The following OR9Q1 variants were observed in gnomAD, a reference collection of about 807,000 sequenced individuals.
OR9Q1 encodes olfactory receptor family 9 subfamily Q member 1, also known as olfactory receptor 9Q1.
For missense variants in OR9Q1, 374 were observed against 378.8 expected (o/e 0.99, Z 0.11); for synonymous variants, 153 against 148.6 (o/e 1.03, Z -0.22).
intron 2 of OR9Q1, among the ~76,000 whole-genome samples, chr11:58,140,330 C>G (rs937434896): frequency 1.1e-4 from 17 of 152,082 alleles, no homozygotes; most frequent in African/African-American, 2.2e-4. Context: ...GTTGCCATTG[C>G]TTTTGGTGTT....
chr11:58,176,706 C>T (rs975479948), intron 2 of OR9Q1, among the ~76,000 whole-genome samples: 10 of 152,114 alleles, frequency 6.6e-5, no homozygotes, highest in Non-Finnish European at 1.3e-4. Flanking sequence ...TTATTATTGT[C>T]CCCATATTGA....
At chr11:58,164,142 G>A (rs998376194) in intron 2 of OR9Q1, among the ~76,000 whole-genome samples, 4 of 152,096 alleles carry the variant, frequency 2.6e-5, no homozygotes, top group South Asian at 2.1e-4. Flanking sequence ...ACCTTGTCTC[G>A]GCTTGCAGGG....
At chr11:58,139,010 G>A (rs1854216554) in intron 2 of OR9Q1, among the ~76,000 whole-genome samples, 1 of 152,072 alleles carries the variant, frequency 6.6e-6, no homozygotes, top group South Asian at 2.1e-4. Context: ...TAAAGAAAGA[G>A]GGGAGACAGA....
At chr11:58,031,956 T>C (rs375260604) in intron 1 of OR9Q1, 2 of 1,088,010 alleles carry the variant, frequency 1.8e-6, no homozygotes, top group African/African-American at 1.6e-5. Context: ...TAAAAACAGG[T>C]TAGTCAATAA....
At chr11:58,114,963 C>T (rs1251854428) in intron 2 of OR9Q1, among the ~76,000 whole-genome samples, 1 of 152,156 alleles carries the variant, frequency 6.6e-6, no homozygotes, top group East Asian at 1.9e-4. Flanking sequence ...CCTGGCTGAA[C>T]TCCTCATAGG....
chr11:58,175,084 C>T (rs542829902), intron 2 of OR9Q1, among the ~76,000 whole-genome samples: 4 of 112,098 alleles, frequency 3.6e-5, no homozygotes, highest in Non-Finnish European at 6.6e-5. Flanking sequence ...CCAGCCTGGG[C>T]GACAGAGTGA....
intron 2 of OR9Q1, among the ~76,000 whole-genome samples, chr11:58,158,145 A>G (rs143383219): frequency 6.6e-6 from 1 of 152,168 alleles, no homozygotes; most frequent in African/African-American, 2.4e-5. Flanking sequence ...TCAGGGTCCA[A>G]CTCAGCTCTG....
intron 2 of OR9Q1, among the ~76,000 whole-genome samples, chr11:58,092,024 G>A (rs1853689099): frequency 6.9e-6 from 1 of 145,832 alleles, no homozygotes; most frequent in Non-Finnish European, 1.5e-5. Context: ...CCTTTATTTT[G>A]AGCCTATGTG....
At chr11:58,127,284 A>G (rs1854099400) in intron 2 of OR9Q1, among the ~76,000 whole-genome samples, 1 of 152,102 alleles carries the variant, frequency 6.6e-6, no homozygotes, top group Non-Finnish European at 1.5e-5. Flanking sequence ...TTTTGGGAAG[A>G]GATGCATCTT....
At chr11:58,157,785 T>C (rs373394142) in intron 2 of OR9Q1, among the ~76,000 whole-genome samples, 6 of 152,198 alleles carry the variant, frequency 3.9e-5, no homozygotes, top group Admixed American at 2.6e-4. Flanking sequence ...TGGAATGTTT[T>C]TAAAGGACTC....
At chr11:58,109,720 A>G (rs1050737021) in intron 2 of OR9Q1, 2 of 378,522 alleles carry the variant, frequency 5.3e-6, no homozygotes, top group East Asian at 1.5e-4. Flanking sequence ...CCAGAACTAA[A>G]GGTCTTTGCT....
chr11:58,146,722 G>T (rs1854302608), intron 2 of OR9Q1, among the ~76,000 whole-genome samples: 1 of 152,186 alleles, frequency 6.6e-6, no homozygotes, highest in African/African-American at 2.4e-5. Flanking sequence ...TAACGTTTAA[G>T]CAGAGGCTTC....
At chr11:58,053,061 A>T (rs1197974117) in intron 1 of OR9Q1, among the ~76,000 whole-genome samples, 3 of 151,724 alleles carry the variant, frequency 2.0e-5, no homozygotes, top group Non-Finnish European at 4.4e-5. Flanking sequence ...GGGATCTAGA[A>T]CTAGAAATAC....
At chr11:58,088,100 C>T (rs1035728994) in intron 2 of OR9Q1, among the ~76,000 whole-genome samples, 3 of 151,802 alleles carry the variant, frequency 2.0e-5, no homozygotes, top group East Asian at 3.9e-4. Flanking sequence ...CTTGGCCTCC[C>T]AAAGTGCTGG....
At chr11:58,087,403 T>C (rs1853644341) in intron 2 of OR9Q1, among the ~76,000 whole-genome samples, 1 of 151,910 alleles carries the variant, frequency 6.6e-6, no homozygotes, top group Non-Finnish European at 1.5e-5. Context: ...GTCTAATTCC[T>C]CTCACTCAAT....
chr11:58,031,819 C>G (rs370059097), intron 1 of OR9Q1: 3 of 1,613,990 alleles, frequency 1.9e-6, no homozygotes, highest in Non-Finnish European at 2.5e-6. Context: ...CGCCCATGCT[C>G]AATCCTCTCA....
chr11:58,124,600 G>A (rs1854070439), intron 2 of OR9Q1: 1 of 152,132 alleles, frequency 6.6e-6, no homozygotes, highest in South Asian at 2.1e-4. Flanking sequence ...TCCAAGTCAG[G>A]TAGATGCTAA....
chr11:58,155,201 T>A (rs1354358354), intron 2 of OR9Q1, among the ~76,000 whole-genome samples: 3 of 152,176 alleles, frequency 2.0e-5, no homozygotes, highest in Non-Finnish European at 4.4e-5. Flanking sequence ...GAATTCATTA[T>A]TTTTTGTGAG....
At chr11:58,108,963 C>T in intron 2 of OR9Q1, 1 of 396,304 alleles carries the variant, frequency 2.5e-6, no homozygotes, top group Non-Finnish European at 5.1e-6. Flanking sequence ...TCTTGGCTTA[C>T]CCACCTGCCG....
Sources: gnomAD v4.1 joint callset for allele counts (sites outside exome capture counted in the v4.1 genomes callset) on GRCh38, gnomAD v4.1.1 for gene constraint, MANE v1.5 for transcripts, NCBI Gene and HGNC (gene_info 2026-07-23, HGNC 2026-07-21) for gene names.